ATP8A2: variants seen among roughly 807,000 people sequenced by gnomAD.
ATP8A2 encodes the protein ATPase phospholipid transporting 8A2, also known as phospholipid-transporting ATPase IB.
A neutral mutation model predicts 165.6 loss-of-function variants in ATP8A2; 100 were observed. That is an observed-to-expected ratio of 0.60 (90% CI 0.51 to 0.71). ATP8A2 has a LOEUF of 0.71. Among genes scored for constraint, ATP8A2 ranks in the 30% least tolerant of loss-of-function variants. The pLI is 0.00. For missense variants in ATP8A2, 1,227 were observed against 1,479.5 expected (o/e 0.83, Z 2.80); for synonymous variants, 543 against 548.8 (o/e 0.99, Z 0.15).
intron 35 of ATP8A2, among the ~76,000 whole-genome samples, chr13:26,011,684 A>G (rs1956851980): frequency 6.6e-6 from 1 of 152,210 alleles, no homozygotes. Context: ...CTGTAATCCT[A>G]GCACTTTGGG....
chr13:25,874,538 A>G (rs1008519761), intron 33 of ATP8A2, among the ~76,000 whole-genome samples: 5 of 152,256 alleles, frequency 3.3e-5, no homozygotes, highest in African/African-American at 1.2e-4. Context: ...GGCCACTCTT[A>G]GAAACACAAG....
chr13:25,602,200 C>A (rs995250014), intron 24 of ATP8A2, among the ~76,000 whole-genome samples: 2 of 152,020 alleles, frequency 1.3e-5, no homozygotes, highest in Non-Finnish European at 2.9e-5. Flanking sequence ...TTCTTTTAAT[C>A]CTTTGAAGGC....
intron 33 of ATP8A2, among the ~76,000 whole-genome samples, chr13:25,912,388 G>C (rs1429167019): frequency 6.6e-6 from 1 of 152,170 alleles, no homozygotes; most frequent in Non-Finnish European, 1.5e-5. Flanking sequence ...TCAGAGGCTG[G>C]GGATGGGGGA....
rs1006014682 is a variant in ATP8A2 at position 25,975,225 on chromosome 13, A to G, written c.3377+6546A>G. ...CAGGACACACTCTCTGATGTCACCA[A>G]CTTCCCTGCTGTGCTGATGGCAGCC... is the stretch of plus-strand genomic sequence containing the variant. On this transcript the variant is annotated intron_variant, in intron 35 of 36. Coordinates refer to ENST00000381655, the MANE Select transcript of ATP8A2 (RefSeq NM_016529.6). 2.0e-5 allele frequency among the ~76,000 whole-genome samples: 3 copies of G among 152,270 alleles called. No individual in the cohort carries two copies. The East Asian group carries it at 5.8e-4, about 29-fold the overall frequency.
chr13:25,694,469 C>G (rs949546725), intron 24 of ATP8A2, among the ~76,000 whole-genome samples: 2 of 152,084 alleles, frequency 1.3e-5, no homozygotes, highest in African/African-American at 4.8e-5. Context: ...ACACTGACCC[C>G]CGGCAGGCAC....
At position 25,922,203 on chromosome 13, in the gene ATP8A2, A is replaced by G. The variant is rs138283492; in HGVS notation, c.3184-39372A>G. ...TCCTAATCAGTAACACGCAATTTCAAAAAATCTCTGTGGTCAGTTTATTAT... is the reference window on the plus strand; with the variant it reads ...TCCTAATCAGTAACACGCAATTTCAGAAAATCTCTGTGGTCAGTTTATTAT... On this transcript the variant is annotated intron_variant, in intron 33 of 36. Transcript: ENST00000381655. Among the ~76,000 whole-genome samples the G allele has an allele frequency of 5.2e-3, 790 of 152,342 alleles. 8 individuals carry two copies. The highest frequency in any genetic ancestry group is 0.018 in the African/African-American group (754 of 41,580).
chr13:25,573,974 G>T (rs1566286283), intron 18 of ATP8A2, among the ~76,000 whole-genome samples: 1 of 152,226 alleles, frequency 6.6e-6, no homozygotes, highest in Non-Finnish European at 1.5e-5. Flanking sequence ...AGCCCTAAGA[G>T]ATGAGTGCTT....
At chr13:25,527,957 T>C (rs1175878245) in intron 2 of ATP8A2, among the ~76,000 whole-genome samples, 2 of 152,238 alleles carry the variant, frequency 1.3e-5, no homozygotes, top group Non-Finnish European at 2.9e-5. Context: ...ATGTGAACTT[T>C]CTTTTTGTTT....
At chr13:25,626,080 A>G (rs2041092673) in intron 24 of ATP8A2, among the ~76,000 whole-genome samples, 1 of 152,210 alleles carries the variant, frequency 6.6e-6, no homozygotes, top group African/African-American at 2.4e-5. Context: ...CTCACTGAAC[A>G]CAAGTGGTTT....
rs537648545 is a variant in ATP8A2, at chr13:25,923,709, A to G, written c.3184-37866A>G. Among the ~76,000 whole-genome samples, 30 of 152,200 alleles carry G rather than the reference A, an allele frequency of 2.0e-4. No homozygotes were observed. In the South Asian group the frequency reaches 5.6e-3, roughly 28 times the overall value. The stretch of plus-strand genomic sequence containing the variant: ...ATCAAAATAATAAAAAAAAATGGAC[A>G]TGAAAGATGTCCATTATTCTCATAA... On this transcript the variant is annotated intron_variant, in intron 33 of 36. Transcript: ENST00000381655.
intron 33 of ATP8A2, among the ~76,000 whole-genome samples, chr13:25,961,007 G>A (rs992565071): frequency 3.9e-5 from 6 of 152,126 alleles, no homozygotes; most frequent in South Asian, 2.1e-4. Context: ...AAACCCCATC[G>A]TTTATATTCG....
At chr13:25,912,153 G>T (rs895457704) in intron 33 of ATP8A2, among the ~76,000 whole-genome samples, 3 of 96,482 alleles carry the variant, frequency 3.1e-5, no homozygotes, top group Admixed American at 1.4e-4. Context: ...AAGAAAATGT[G>T]AGACACACAC....
rs199748845 is a variant in ATP8A2 at position 25,633,975 on chromosome 13, CAA to C, written c.2211+44289_2211+44290del. Among the ~76,000 whole-genome samples the C allele has an allele frequency of 5.8e-3, 773 of 133,644 alleles. 4 individuals carry two copies. Among genetic ancestry groups the C allele is most frequent in the African/African-American group, 0.019 (698 of 36,464 alleles). 87.7% of individuals were successfully genotyped at this position (133,644 alleles called of 152,430 possible). On this transcript the variant is annotated intron_variant, in intron 24 of 36. Coordinates refer to ENST00000381655, the MANE Select transcript of ATP8A2 (RefSeq NM_016529.6). ...TGAGCAACAGAGTGAGACCCTGTCT[CAA>C]AAAAAAAAAAAAGATCATACGGAAA...
chr13:25,774,786 C>T, intron 26 of ATP8A2, 63 bp from the exon 27 acceptor site: 2 of 932,900 alleles, frequency 2.1e-6, no homozygotes, highest in Non-Finnish European at 1.7e-6. Context: ...TAAGGACATT[C>T]TGTTTGTGAC....
At chr13:25,910,008 G>A (rs77433053) in intron 33 of ATP8A2, among the ~76,000 whole-genome samples, 5,115 of 152,218 alleles carry the variant, frequency 0.034, 282 homozygotes, top group African/African-American at 0.12. Flanking sequence ...GCTCCGTCTT[G>A]TATTGGCCTA....
At chr13:25,852,080 C>G (rs756494913) in intron 30 of ATP8A2, among the ~76,000 whole-genome samples, 6 of 152,112 alleles carry the variant, frequency 3.9e-5, no homozygotes, top group Admixed American at 6.5e-5. Flanking sequence ...CTCAGTCTGA[C>G]GGGAGAGATG....
chr13:25,551,401 G>T lies in ATP8A2; in HGVS notation c.955G>T (p.Val319Leu). The T allele has an allele frequency of 6.2e-7, 1 of 1,614,152 alleles. No individual in the cohort carries two copies. The highest frequency in any genetic ancestry group is 1.1e-5 in the South Asian group (1 of 91,084). ...VEKVTNVQIL[V>L]LFGILLVMAL... Reference sequence around the variant, plus strand: ...GAAGGTGACTAACGTGCAGATCCTGGTGTTGTTTGGCATCCTCTTGGTCAT... The same window carrying T: ...GAAGGTGACTAACGTGCAGATCCTGTTGTTGTTTGGCATCCTCTTGGTCAT... Residue 319 changes from valine to leucine, a missense_variant, in exon 11 of 37, where the codon GTG becomes TTG. Transcript: ENST00000381655.
chr13:25,404,210 G>T (rs2033726462), intron 1 of ATP8A2, among the ~76,000 whole-genome samples: 1 of 152,146 alleles, frequency 6.6e-6, no homozygotes, highest in Admixed American at 6.6e-5. Flanking sequence ...TAAGACTGAA[G>T]CCTCAGTTAT....
At chr13:25,905,910 G>A (rs948558387) in intron 33 of ATP8A2, among the ~76,000 whole-genome samples, 15 of 152,168 alleles carry the variant, frequency 9.9e-5, no homozygotes, top group Admixed American at 9.8e-4. Flanking sequence ...CACACACTGT[G>A]TTTTCCTTCC....
Sources: allele counts gnomAD v4.1 joint callset (sites outside exome capture counted in the v4.1 genomes callset), GRCh38; gene constraint gnomAD v4.1.1; transcripts MANE v1.5; gene names NCBI Gene and HGNC (gene_info 2026-07-23, HGNC 2026-07-21).